MEF2C: variants seen among roughly 807,000 people sequenced by gnomAD.
MEF2C encodes the protein myocyte enhancer factor 2C, also known as myocyte-specific enhancer factor 2C.
Under a neutral mutation model 50.5 loss-of-function variants are expected in MEF2C, and 6 were observed. The observed-to-expected ratio is 0.12, with a 90% CI of 0.07 to 0.23. The LOEUF is 0.23. Ranked by LOEUF, MEF2C falls within the 10% of genes least tolerant of loss-of-function variation. MEF2C has a pLI of 1.00. For missense variants in MEF2C, 276 were observed against 605.0 expected (o/e 0.46, Z 5.70); for synonymous variants, 183 against 228.0 (o/e 0.80, Z 1.78).
At chr5:88,724,970 A>C (rs780735276) in intron 10 of MEF2C, among the ~76,000 whole-genome samples, 2 of 152,174 alleles carry the variant, frequency 1.3e-5, no homozygotes, top group Non-Finnish European at 2.9e-5. Flanking sequence ...TTTGACATAC[A>C]GATTATGTCT....
chr5:88,873,545 G>A (rs906499907), intron 1 of MEF2C, among the ~76,000 whole-genome samples: 2 of 151,882 alleles, frequency 1.3e-5, no homozygotes, highest in Non-Finnish European at 2.9e-5. Context: ...AATGAGAGAA[G>A]CGGAGGGAAA....
At chr5:88,812,532 G>T (rs1344433160) in intron 2 of MEF2C, among the ~76,000 whole-genome samples, 1 of 152,080 alleles carries the variant, frequency 6.6e-6, no homozygotes, top group Non-Finnish European at 1.5e-5. Context: ...TTGTGTGTGG[G>T]TTGGTTGGTG....
intron 6 of MEF2C, chr5:88,737,423 G>T (rs904634320): frequency 2.0e-6 from 2 of 985,240 alleles, no homozygotes; most frequent in African/African-American, 3.5e-5. Context: ...ACTGCAAGTG[G>T]TAGAATTAAA....
chr5:88,789,840 C>G (rs543793501), intron 3 of MEF2C, among the ~76,000 whole-genome samples: 1 of 152,278 alleles, frequency 6.6e-6, no homozygotes, highest in African/African-American at 2.4e-5. Context: ...TTTACTTAAT[C>G]TGTTGTACAC....
chr5:88,776,739 C>A (rs1029492024), intron 3 of MEF2C, among the ~76,000 whole-genome samples: 1 of 152,176 alleles, frequency 6.6e-6, no homozygotes, highest in Admixed American at 6.5e-5. Flanking sequence ...ATCAAGTGAA[C>A]ACTTCAAGTG....
At chr5:88,828,093 C>T (rs1052029442) in intron 1 of MEF2C, among the ~76,000 whole-genome samples, 3 of 151,930 alleles carry the variant, frequency 2.0e-5, no homozygotes, top group Admixed American at 1.3e-4. Context: ...TGGCATTCTA[C>T]ATAAGGTTTC....
chr5:88,751,540 G>A (rs1457200302), intron 5 of MEF2C: 19 of 985,170 alleles, frequency 1.9e-5, no homozygotes, highest in Non-Finnish European at 2.3e-5. Context: ...ATTTTAGGCA[G>A]GGAGGACGAG....
chr5:88,743,485 A>T (rs919911239), intron 6 of MEF2C: 6 of 984,904 alleles, frequency 6.1e-6, no homozygotes, highest in African/African-American at 5.2e-5. Flanking sequence ...ACTTAGTTCT[A>T]TTTTGTAATA....
chr5:88,728,512 A>G lies in MEF2C; in HGVS notation c.1081T>C (p.Ser361Pro). 1 of 1,519,606 alleles carries G rather than the reference A, an allele frequency of 6.6e-7. No homozygotes were observed. The highest frequency in any genetic ancestry group is 8.9e-7 in the Non-Finnish European group (1 of 1,129,838). 94.1% of individuals were successfully genotyped at this position (1,519,606 alleles called of 1,614,324 possible). A position where few individuals can be genotyped will look rare whatever the true frequency, so the allele number is the denominator to read the frequency against. Reference sequence around the variant, plus strand: ...GCTTACCCCAACTGACTGAGGGCAGATGGTGGCATGTTATGTAGGTGTTGC... The same window carrying G: ...GCTTACCCCAACTGACTGAGGGCAGGTGGTGGCATGTTATGTAGGTGTTGC... ...QQQHLHNMPPSALSQLGACTS... is the reference protein window; with the variant it reads ...QQQHLHNMPPPALSQLGACTS... The change falls in exon 10 of 11, where the codon TCT (serine) becomes CCT (proline). Residue 361 changes from serine to proline, a missense_variant. Ser to Pro is a moderately conservative substitution (Grantham distance 74). Around this residue, in one of 2 missense-constraint regions of MEF2C, gnomAD observed 256 missense variants for 468.1 expected, o/e 0.55. Transcript: ENST00000504921.
intron 1 of MEF2C, among the ~76,000 whole-genome samples, chr5:88,865,287 T>G (rs1339361049): frequency 6.6e-6 from 1 of 152,212 alleles, no homozygotes; most frequent in African/African-American, 2.4e-5. Context: ...CAATGTTTTA[T>G]ACCTATGACC....
chr5:88,903,493 A>G (rs1400787695), intron 1 of MEF2C, among the ~76,000 whole-genome samples: 2 of 152,048 alleles, frequency 1.3e-5, no homozygotes, highest in Non-Finnish European at 2.9e-5. Flanking sequence ...AACCCAGTAC[A>G]TGTAATTTTT....
intron 3 of MEF2C, among the ~76,000 whole-genome samples, chr5:88,794,503 G>A (rs1795184888): frequency 1.3e-5 from 2 of 151,798 alleles, no homozygotes; most frequent in South Asian, 2.1e-4. Flanking sequence ...TTTTTTTCCT[G>A]TAAATCTGTT....
At chr5:88,798,768 C>T (rs538976659) in intron 3 of MEF2C, among the ~76,000 whole-genome samples, 258 of 152,246 alleles carry the variant, frequency 1.7e-3, no homozygotes, top group Non-Finnish European at 3.1e-3. Context: ...TTTTCCTCAT[C>T]TTCATGGATT....
intron 2 of MEF2C, among the ~76,000 whole-genome samples, chr5:88,816,934 C>A (rs143657446): frequency 6.6e-6 from 1 of 151,686 alleles, no homozygotes; most frequent in African/African-American, 2.4e-5. Context: ...TTCACTAGGT[C>A]TGAAAGAGAT....
chr5:88,885,368 C>T (rs183850626), upstream of MEF2C, among the ~76,000 whole-genome samples: 12 of 152,214 alleles, frequency 7.9e-5, no homozygotes, highest in Non-Finnish European at 1.5e-5. Context: ...TCTTCAAGTT[C>T]CAGCTCATCA....
At chr5:88,869,280 T>TATATATATATATAC (rs1828585040) in intron 1 of MEF2C, among the ~76,000 whole-genome samples, 3 of 73,946 alleles carry the variant, frequency 4.1e-5, no homozygotes, top group Non-Finnish European at 7.2e-5. Context: ...TATATATACA[T>TATATATATATATAC]ATATATATAT....
At chr5:88,733,959 G>A (rs1762750449) in intron 6 of MEF2C, 30 of 984,924 alleles carry the variant, frequency 3.0e-5, no homozygotes, top group Non-Finnish European at 3.5e-5. Context: ...TTTCTTTACA[G>A]TAAATTCGAA....
intron 3 of MEF2C, chr5:88,766,545 C>T (rs1186247855): frequency 4.2e-6 from 3 of 707,342 alleles, no homozygotes; most frequent in East Asian, 2.6e-4. Flanking sequence ...CAGAGAACCA[C>T]CATCACAGAC....
At chr5:88,760,914 G>T in intron 4 of MEF2C, 2 of 1,480,416 alleles carry the variant, frequency 1.4e-6, no homozygotes, top group Non-Finnish European at 1.8e-6. Context: ...CTTAGAGAAA[G>T]CCATCACTGA....
Sources: allele counts gnomAD v4.1 joint callset (sites outside exome capture counted in the v4.1 genomes callset), GRCh38; gene constraint gnomAD v4.1.1; regional missense constraint gnomAD v4.1.1; transcripts MANE v1.5; gene names NCBI Gene and HGNC (gene_info 2026-07-23, HGNC 2026-07-21).